JMJD1C: variants seen among roughly 807,000 people sequenced by gnomAD.
JMJD1C encodes the protein jumonji domain containing 1C, also known as jumonji domain-containing protein 1C.
A neutral mutation model predicts 245.3 loss-of-function variants in JMJD1C; 31 were observed. The ratio of observed to expected loss-of-function variants is 0.13; its 90% CI spans 0.09 to 0.17. The LOEUF (loss-of-function observed/expected upper bound fraction) is 0.17, where lower values mean the gene tolerates loss of function less well. JMJD1C is among the 10% of genes least tolerant of loss of function. The probability of loss-of-function intolerance (pLI) is 1.00; values close to 1 mark genes in which losing one functional copy is unlikely to be tolerated. For synonymous variants in JMJD1C, 1,057 were observed against 1,017.4 expected (o/e 1.04, Z -0.74); for missense variants, 2,691 against 3,000.2 (o/e 0.90, Z 2.41).
intron 1 of JMJD1C, among the ~76,000 whole-genome samples, chr10:63,491,673 C>A (rs935223511): frequency 6.6e-6 from 1 of 152,154 alleles, no homozygotes; most frequent in East Asian, 1.9e-4. Context: ...TTTAATTATG[C>A]CTTGGTATTG....
At chr10:63,411,395 G>T (rs10822170) in intron 1 of JMJD1C, among the ~76,000 whole-genome samples, 99,546 of 150,432 alleles carry the variant, frequency 0.66, 35,692 homozygotes, top group Non-Finnish European at 0.81. Context: ...GCCTCCCGGG[G>T]TCAAGCGATT....
At chr10:63,192,225 G>A (rs964662074) in intron 16 of JMJD1C, among the ~76,000 whole-genome samples, 6 of 140,646 alleles carry the variant, frequency 4.3e-5, no homozygotes, top group African/African-American at 1.3e-4. Context: ...GAACAATCTG[G>A]GCAACATGGC....
rs1027281898 is a variant in JMJD1C at position 63,465,759 on chromosome 10, G to A, written c.-97C>T. The A allele has an allele frequency of 2.1e-6, 3 of 1,413,196 alleles. No homozygotes were observed. The highest frequency in any genetic ancestry group is 2.0e-6 in the Non-Finnish European group (2 of 1,023,040). 87.5% of individuals were successfully genotyped at this position (1,413,196 alleles called of 1,614,324 possible). A position where few individuals can be genotyped will look rare whatever the true frequency, so the allele number is the denominator to read the frequency against. On this transcript the variant is annotated 5_prime_UTR_variant, in exon 1 of 26. Coordinates refer to ENST00000399262, the MANE Select transcript of JMJD1C (RefSeq NM_032776.3). The stretch of plus-strand genomic sequence containing the variant: ...CGCTCATGCTGAGGAGAGCGGACCG[G>A]GACACAGCAGCGGACCCGAAAGAGC...
chr10:63,358,374 G>C (rs1263910705), intron 2 of JMJD1C, among the ~76,000 whole-genome samples: 2 of 150,924 alleles, frequency 1.3e-5, no homozygotes, highest in Non-Finnish European at 3.0e-5. Flanking sequence ...AATGAAATAT[G>C]ACATAACAAT....
intron 2 of JMJD1C, among the ~76,000 whole-genome samples, chr10:63,284,539 A>G (rs532275201): frequency 6.6e-6 from 1 of 152,142 alleles, no homozygotes; most frequent in African/African-American, 2.4e-5. Context: ...CATTAACTTC[A>G]TCCATAGGTT....
chr10:63,275,980 A>C (rs1049812989), intron 2 of JMJD1C, among the ~76,000 whole-genome samples: 3 of 152,228 alleles, frequency 2.0e-5, no homozygotes, highest in African/African-American at 7.2e-5. Context: ...TTTATTATTC[A>C]TTCTCTTAAT....
chr10:63,314,887 G>T (rs895173543), intron 2 of JMJD1C, among the ~76,000 whole-genome samples: 1 of 150,912 alleles, frequency 6.6e-6, no homozygotes, highest in Non-Finnish European at 1.5e-5. Flanking sequence ...ACTTTCAGGT[G>T]ATCTGCCTGC....
chr10:63,231,507 A>C (rs1030603109), intron 3 of JMJD1C, among the ~76,000 whole-genome samples: 1 of 152,170 alleles, frequency 6.6e-6, no homozygotes, highest in African/African-American at 2.4e-5. Flanking sequence ...TAAAACAAGG[A>C]AATAGGCCGG....
chr10:63,251,033 A>G (rs1488597803), intron 3 of JMJD1C, among the ~76,000 whole-genome samples: 1 of 152,174 alleles, frequency 6.6e-6, no homozygotes, highest in African/African-American at 2.4e-5. Context: ...ATAAGCCACC[A>G]TAACCAGCCT....
At chr10:63,248,070 A>C (rs1176145262) in intron 3 of JMJD1C, among the ~76,000 whole-genome samples, 1 of 152,152 alleles carries the variant, frequency 6.6e-6, no homozygotes, top group African/African-American at 2.4e-5. Flanking sequence ...TCTACTAAAA[A>C]TACAGAAATT....
chr10:63,423,554 C>T (rs1378665659), intron 1 of JMJD1C, among the ~76,000 whole-genome samples: 1 of 152,186 alleles, frequency 6.6e-6, no homozygotes, highest in East Asian at 1.9e-4. Context: ...ATCAATTCCT[C>T]TGTTGCTGGA....
In JMJD1C at chr10:63,207,643, G is replaced by A. The variant is rs1846800704; in HGVS notation, c.4026C>T (p.Cys1342=). 2 of 1,614,058 alleles carry A rather than the reference G, an allele frequency of 1.2e-6. No homozygotes were observed. The highest frequency in any genetic ancestry group is 1.7e-6 in the Non-Finnish European group (2 of 1,179,996). The change falls in exon 10 of 26, where the codon TGC becomes TGT. Residue 1342 remains cysteine (C), a synonymous_variant. Coordinates refer to ENST00000399262, the MANE Select transcript of JMJD1C (RefSeq NM_032776.3). ...TTTCTCCGGCTTCTGCTAGTTTGAG[G>A]CAATCTGTTTTATGTGCCCCAGCTG... The part of the protein sequence containing the change: ...RSSAGAHKTD[C]LKLAEAGETG...
rs114372176 is a variant in JMJD1C at position 63,457,171 on chromosome 10, T to C, written c.168+8324A>G. On this transcript the variant is annotated intron_variant, in intron 1 of 25. Transcript: ENST00000399262. ...AGTAAGGAAGGTTTTGAGCAAGTGGTAGTACAAATTGAAAAGAATGGAGAC... is the reference window on the plus strand; with the variant it reads ...AGTAAGGAAGGTTTTGAGCAAGTGGCAGTACAAATTGAAAAGAATGGAGAC... Among the ~76,000 whole-genome samples the C allele has an allele frequency of 6.2e-3, 941 of 152,204 alleles. 11 individuals are homozygous for C. The highest frequency in any genetic ancestry group is 0.021 in the African/African-American group (871 of 41,542).
intron 1 of JMJD1C, among the ~76,000 whole-genome samples, chr10:63,413,417 A>T (rs1949604696): frequency 6.6e-6 from 1 of 152,208 alleles, no homozygotes; most frequent in African/African-American, 2.4e-5. Context: ...ATAGTTTAAT[A>T]TGTGTAGATT....
At chr10:63,441,234 T>G (rs1205848659) in intron 1 of JMJD1C, among the ~76,000 whole-genome samples, 2 of 152,208 alleles carry the variant, frequency 1.3e-5, no homozygotes, top group Non-Finnish European at 2.9e-5. Flanking sequence ...AGTCACTTAA[T>G]TCTGTAACTC....
intron 1 of JMJD1C, among the ~76,000 whole-genome samples, chr10:63,494,929 G>A (rs925272768): frequency 6.6e-6 from 1 of 152,178 alleles, no homozygotes; most frequent in Admixed American, 6.5e-5. Flanking sequence ...GTACCTTGAG[G>A]AAGCCCTCCT....
chr10:63,206,550 C>T, intron 10 of JMJD1C, 45 bp downstream of exon 10: 1 of 1,453,904 alleles, frequency 6.9e-7, no homozygotes, highest in Non-Finnish European at 9.3e-7. Context: ...ATAGCTAAAA[C>T]ATTCAGCCCA....
At position 63,465,588 on chromosome 10, in the gene JMJD1C, C is replaced by T. The variant is rs779755345; in HGVS notation, c.75G>A (p.Ser25=). The T allele has an allele frequency of 4.3e-6, 7 of 1,609,548 alleles. No homozygotes were observed. In the Admixed American group the frequency reaches 5.0e-5, roughly 11 times the overall value. ...LCVAVGDEAR[S]ERWESGRGWR... ...AGCCGCGTCCGCTCTCCCAGCGCTC[C>T]GAACGTGCCTCGTCGCCGACCGCCA... Residue 25 remains serine, a synonymous_variant, in exon 1 of 26, where the codon TCG becomes TCA. Coordinates refer to ENST00000399262, the MANE Select transcript of JMJD1C (RefSeq NM_032776.3).
At position 63,497,883 on chromosome 10, in the gene JMJD1C, G is replaced by A. The variant is rs183537660; in HGVS notation, n.113+23855C>T. On this transcript the variant is annotated intron_variant and non_coding_transcript_variant, in intron 1 of 3. Transcript: ENST00000633035. ...GCTCAGATAAATTTTGCTTGAAAAC[G>A]GATTCCAAACATAACCTTCAGATGA... Among the ~76,000 whole-genome samples the A allele has an allele frequency of 2.4e-3, 367 of 152,088 alleles. 3 individuals carry two copies. The South Asian group carries it at 0.029, about 12-fold the overall frequency.
Sources: allele counts gnomAD v4.1 joint callset (sites outside exome capture counted in the v4.1 genomes callset), GRCh38; gene constraint gnomAD v4.1.1; transcripts MANE v1.5; gene names NCBI Gene and HGNC (gene_info 2026-07-23, HGNC 2026-07-21).